The following KCTD16 variants were observed in gnomAD, a reference collection of about 807,000 sequenced individuals.
KCTD16 encodes the protein potassium channel tetramerization domain containing 16.
Under a neutral mutation model 33.2 loss-of-function variants are expected in KCTD16, and 13 were observed. That is an observed-to-expected ratio of 0.39 (90% confidence interval 0.25 to 0.62). The LOEUF (loss-of-function observed/expected upper bound fraction) is 0.62. KCTD16 is among the 20% of genes least tolerant of loss of function. The pLI, the probability that KCTD16 is intolerant of heterozygous loss-of-function variation, is 0.50. For synonymous variants in KCTD16, 197 were observed against 195.3 expected (o/e 1.01, Z -0.07); for missense variants, 441 against 525.1 (o/e 0.84, Z 1.57).
chr5:144,272,331 G>A (rs1318364918), intron 3 of KCTD16, among the ~76,000 whole-genome samples: 18 of 152,114 alleles, frequency 1.2e-4, no homozygotes, highest in African/African-American at 3.9e-4. Context: ...TCAGGAGGCC[G>A]AAGCAGGGGA....
At position 144,222,277 on chromosome 5, in the gene KCTD16, A is replaced by C. The variant is rs553328367; in HGVS notation, c.832+14731A>C. 9.2e-5 allele frequency among the ~76,000 whole-genome samples: 14 copies of C among 152,336 alleles called. 1 individual carries two copies. In the South Asian group the frequency reaches 2.7e-3, roughly 29 times the overall value. On this transcript the variant is annotated intron_variant, in intron 3 of 3. Coordinates refer to ENST00000512467, the MANE Select transcript of KCTD16 (RefSeq NM_020768.4). ...ATTTATATATCAATGGTCAAAATAA[A>C]AAATAAGTATTTTAATGGGCAAATA...
At chr5:144,316,407 GTTTC>G (rs974984820) in intron 3 of KCTD16, among the ~76,000 whole-genome samples, 16 of 151,402 alleles carry the variant, frequency 1.1e-4, no homozygotes, top group African/African-American at 3.6e-4. Flanking sequence ...AAGAGAACTT[GTTTC>G]TTTCTTTCTA....
chr5:144,285,532 A>G (rs895202774), intron 3 of KCTD16, among the ~76,000 whole-genome samples: 1 of 152,198 alleles, frequency 6.6e-6, no homozygotes, highest in Non-Finnish European at 1.5e-5. Flanking sequence ...TGTATGCTCC[A>G]GATATCAATA....
chr5:144,235,184 A>G (rs1754216280), intron 3 of KCTD16, among the ~76,000 whole-genome samples: 1 of 152,124 alleles, frequency 6.6e-6, no homozygotes, highest in Non-Finnish European at 1.5e-5. Flanking sequence ...TTTTATGCAC[A>G]AAGTGTGGTG....
intron 3 of KCTD16, among the ~76,000 whole-genome samples, chr5:144,305,216 T>A (rs1244062358): frequency 1.3e-5 from 2 of 152,108 alleles, no homozygotes; most frequent in African/African-American, 2.4e-5. Context: ...CTCAATCCAA[T>A]GAACTGTTTC....
intron 3 of KCTD16, among the ~76,000 whole-genome samples, chr5:144,416,198 G>A (rs1753049699): frequency 1.3e-5 from 2 of 152,136 alleles, no homozygotes; most frequent in South Asian, 4.1e-4. Context: ...CAAGTAATAG[G>A]CAGAACACAA....
chr5:144,375,580 G>A (rs1752071370), intron 3 of KCTD16, among the ~76,000 whole-genome samples: 1 of 152,152 alleles, frequency 6.6e-6, no homozygotes. Context: ...AATACCAGAT[G>A]GGTGGAACCT....
intron 3 of KCTD16, among the ~76,000 whole-genome samples, chr5:144,331,616 G>T (rs1752360557): frequency 6.6e-6 from 1 of 152,136 alleles, no homozygotes; most frequent in South Asian, 2.1e-4. Context: ...TTTCCCTATA[G>T]ATTTGAAGAC....
At chr5:144,273,993 T>G (rs1755375545) in intron 3 of KCTD16, among the ~76,000 whole-genome samples, 1 of 149,890 alleles carries the variant, frequency 6.7e-6, no homozygotes, top group Non-Finnish European at 1.5e-5. Context: ...AATAATATTT[T>G]TATGTTATGT....
At chr5:144,412,004 T>C (rs1752943759) in intron 3 of KCTD16, among the ~76,000 whole-genome samples, 1 of 152,186 alleles carries the variant, frequency 6.6e-6, no homozygotes, top group Non-Finnish European at 1.5e-5. Flanking sequence ...AAATGGTTTT[T>C]ATCAAAAAGA....
At chr5:144,313,818 A>T (rs1751834407) in intron 3 of KCTD16, among the ~76,000 whole-genome samples, 1 of 152,212 alleles carries the variant, frequency 6.6e-6, no homozygotes, top group Non-Finnish European at 1.5e-5. Flanking sequence ...TGGTGTTATC[A>T]GTATTAACAA....
intron 3 of KCTD16, among the ~76,000 whole-genome samples, chr5:144,299,913 A>AC (rs1751383990): frequency 6.8e-6 from 1 of 147,556 alleles, no homozygotes; most frequent in African/African-American, 2.6e-5. Flanking sequence ...AAAAAAAAAA[A>AC]AACAAAAAAC....
At chr5:144,192,000 T>G (rs1752851200) in intron 2 of KCTD16, among the ~76,000 whole-genome samples, 1 of 152,200 alleles carries the variant, frequency 6.6e-6, no homozygotes, top group African/African-American at 2.4e-5. Context: ...TTCTTGAGGC[T>G]ACAGTGAGAA....
chr5:144,407,201 G>C (rs4146555), intron 3 of KCTD16, among the ~76,000 whole-genome samples: 1 of 142,474 alleles, frequency 7.0e-6, no homozygotes, highest in African/African-American at 2.6e-5. Flanking sequence ...AAAAATTCCT[G>C]TTTTTTTTTT....
chr5:144,388,376 C>T (rs949494062), intron 3 of KCTD16, among the ~76,000 whole-genome samples: 4 of 152,072 alleles, frequency 2.6e-5, no homozygotes, highest in South Asian at 2.1e-4. Flanking sequence ...CCACCGCGCC[C>T]GGCCTTAGAG....
chr5:144,442,469 C>A (rs1266440195), intron 3 of KCTD16, among the ~76,000 whole-genome samples: 2 of 151,170 alleles, frequency 1.3e-5, no homozygotes, highest in Admixed American at 1.3e-4. Context: ...TTCTTTCTTT[C>A]TTTCTTTCTG....
At chr5:144,233,407 A>T (rs936781532) in intron 3 of KCTD16, among the ~76,000 whole-genome samples, 7 of 152,102 alleles carry the variant, frequency 4.6e-5, no homozygotes, top group African/African-American at 7.2e-5. Context: ...CTCTGTTTCC[A>T]TCTGATTTTT....
intron 3 of KCTD16, among the ~76,000 whole-genome samples, chr5:144,227,815 T>TGC (rs1426240202): frequency 6.6e-6 from 1 of 152,210 alleles, no homozygotes; most frequent in African/African-American, 2.4e-5. Context: ...GGCATCAGAA[T>TGC]ATGCTGATGG....
intron 3 of KCTD16, among the ~76,000 whole-genome samples, chr5:144,432,831 T>C (rs1013452984): frequency 1.3e-5 from 2 of 152,186 alleles, no homozygotes; most frequent in African/African-American, 4.8e-5. Context: ...ACCAGCTACC[T>C]ATATATGTCT....
Sources: allele counts gnomAD v4.1 joint callset (sites outside exome capture counted in the v4.1 genomes callset), GRCh38; gene constraint gnomAD v4.1.1; transcripts MANE v1.5; gene names NCBI Gene and HGNC (gene_info 2026-07-23, HGNC 2026-07-21).